The following TBC1D32 variants were observed in gnomAD, a reference collection of about 807,000 sequenced individuals.
TBC1D32 encodes protein broad-minded.
In TBC1D32, 151 loss-of-function variants were observed where a neutral mutation model predicts 170.3. The ratio of observed to expected loss-of-function variants is 0.89; its 90% confidence interval spans 0.78 to 1.01. TBC1D32 has a LOEUF of 1.01. Ranked by LOEUF, TBC1D32 falls within the 50% of genes least tolerant of loss-of-function variation. The pLI, the probability that TBC1D32 is intolerant of heterozygous loss-of-function variation, is 0.00. For synonymous variants in TBC1D32, 498 were observed against 488.0 expected (o/e 1.02, Z -0.27); for missense variants, 1,464 against 1,457.1 (o/e 1.00, Z -0.08).
chr6:121,284,538 C>T (rs1022285888), intron 12 of TBC1D32, among the ~76,000 whole-genome samples: 2 of 152,138 alleles, frequency 1.3e-5, no homozygotes, highest in African/African-American at 4.8e-5. Context: ...CCATTCTTAG[C>T]TCACAACTGT....
intron 15 of TBC1D32, among the ~76,000 whole-genome samples, chr6:121,275,012 A>G (rs561092169): frequency 6.6e-6 from 1 of 152,336 alleles, no homozygotes; most frequent in African/African-American, 2.4e-5. Flanking sequence ...ATTGTGAAAG[A>G]ATAGAAAAGT....
chr6:121,095,799 T>C (rs1234451627), intron 30 of TBC1D32: 2 of 152,224 alleles, frequency 1.3e-5, no homozygotes, highest in Middle Eastern at 3.1e-3. Context: ...TTGTGGTGGA[T>C]AAGCTTTTCG....
chr6:121,334,210 T>C, intron 1 of TBC1D32, 66 bp downstream of exon 1: 2 of 1,353,310 alleles, frequency 1.5e-6, no homozygotes, highest in South Asian at 2.6e-5. Context: ...TTAACACTGT[T>C]GACCCTTCTC....
At chr6:121,162,717 G>A (rs541847011) in intron 22 of TBC1D32, among the ~76,000 whole-genome samples, 2 of 151,980 alleles carry the variant, frequency 1.3e-5, no homozygotes, top group South Asian at 4.1e-4. Context: ...TCAACATGCA[G>A]AGCCAAGATG....
chr6:121,206,238 G>C (rs1346101432), intron 21 of TBC1D32, among the ~76,000 whole-genome samples: 2 of 151,550 alleles, frequency 1.3e-5, no homozygotes, highest in South Asian at 2.1e-4. Context: ...AAAAAGGAAG[G>C]CTTTCTTTCT....
chr6:121,276,672 C>T (rs995289867), intron 15 of TBC1D32, among the ~76,000 whole-genome samples: 1 of 152,158 alleles, frequency 6.6e-6, no homozygotes, highest in Non-Finnish European at 1.5e-5. Flanking sequence ...ACACTTTAAA[C>T]ATAAAGACGA....
intron 24 of TBC1D32, among the ~76,000 whole-genome samples, chr6:121,143,939 C>G (rs1332046498): frequency 2.0e-5 from 3 of 151,936 alleles, no homozygotes; most frequent in Admixed American, 1.3e-4. Flanking sequence ...ACACAGATAT[C>G]AGCAATATCA....
intron 22 of TBC1D32, among the ~76,000 whole-genome samples, chr6:121,175,818 G>A (rs984889589): frequency 2.6e-5 from 4 of 152,062 alleles, no homozygotes; most frequent in Admixed American, 6.5e-5. Flanking sequence ...TTTTAACATC[G>A]TTCTAGAAAT....
intron 20 of TBC1D32, among the ~76,000 whole-genome samples, chr6:121,227,188 C>T (rs1795180021): frequency 6.6e-6 from 1 of 152,126 alleles, no homozygotes; most frequent in African/African-American, 2.4e-5. Flanking sequence ...GTTCTAAAGT[C>T]TCTGCTATGA....
Position 121,276,136 on chromosome 6 carries a change from C to A in TBC1D32, c.1733+2985G>T, listed in dbSNP as rs201246362. 2.2e-3 allele frequency among the ~76,000 whole-genome samples: 299 copies of A among 132,996 alleles called. 3 individuals carry two copies. The highest frequency in any genetic ancestry group is 0.014 in the East Asian group (52 of 3,782). 87.3% of individuals were successfully genotyped at this position (132,996 alleles called of 152,430 possible). On this transcript the variant is annotated intron_variant, in intron 15 of 31. Coordinates refer to ENST00000398212, the MANE Select transcript of TBC1D32 (RefSeq NM_152730.6). ...CCTTGTCTCAAAAAAAAAAAAAAAACAAACGACAATAACAAAAAAACATCT... is the reference window on the plus strand; with the variant it reads ...CCTTGTCTCAAAAAAAAAAAAAAAAAAAACGACAATAACAAAAAAACATCT...
At chr6:121,226,236 T>G (rs1031466239) in intron 20 of TBC1D32, among the ~76,000 whole-genome samples, 1 of 152,106 alleles carries the variant, frequency 6.6e-6, no homozygotes, top group Non-Finnish European at 1.5e-5. Context: ...CATAGTATAG[T>G]GCAGGACAAA....
rs185004193 is a variant in TBC1D32, at chr6:121,139,149, C to T, written c.2774-7397G>A. Among the ~76,000 whole-genome samples, 230 of 152,132 alleles carry T rather than the reference C, an allele frequency of 1.5e-3. 1 individual carries two copies. Among genetic ancestry groups the T allele is most frequent in the African/African-American group, 5.4e-3 (223 of 41,528 alleles). On this transcript the variant is annotated intron_variant, in intron 24 of 31. Coordinates refer to ENST00000398212, the MANE Select transcript of TBC1D32 (RefSeq NM_152730.6). Reference sequence around the variant, plus strand: ...GAGTGAGCTACCGTGCCCAGCCATACCATATTATTTTTCAAAGAATTTTTA... The same window carrying T: ...GAGTGAGCTACCGTGCCCAGCCATATCATATTATTTTTCAAAGAATTTTTA...
chr6:121,270,366 T>C (rs1009692001), intron 15 of TBC1D32, among the ~76,000 whole-genome samples: 1 of 151,928 alleles, frequency 6.6e-6, no homozygotes, highest in Non-Finnish European at 1.5e-5. Flanking sequence ...GATAAACTGA[T>C]AGCCAGACTA....
At chr6:121,278,448 T>C (rs925751341) in intron 15 of TBC1D32, among the ~76,000 whole-genome samples, 6 of 152,120 alleles carry the variant, frequency 3.9e-5, no homozygotes, top group African/African-American at 1.4e-4. Flanking sequence ...CATTTGAACA[T>C]CAATTAATGT....
chr6:121,145,488 T>G (rs1428141944), intron 24 of TBC1D32, among the ~76,000 whole-genome samples: 2 of 152,134 alleles, frequency 1.3e-5, no homozygotes, highest in Non-Finnish European at 2.9e-5. Flanking sequence ...GATGGTCCAA[T>G]GATACAAAAT....
intron 21 of TBC1D32, among the ~76,000 whole-genome samples, chr6:121,211,227 T>C (rs1301161258): frequency 1.3e-5 from 2 of 152,046 alleles, no homozygotes; most frequent in African/African-American, 2.4e-5. Flanking sequence ...CCAAGATAAG[T>C]AACAGAAAAA....
intron 13 of TBC1D32, among the ~76,000 whole-genome samples, chr6:121,282,124 TG>T (rs1803105377): frequency 6.6e-6 from 1 of 151,230 alleles, no homozygotes; most frequent in Non-Finnish European, 1.5e-5. Context: ...AACAAGAAAA[TG>T]GGAAAAAGGA....
intron 17 of TBC1D32, among the ~76,000 whole-genome samples, chr6:121,249,534 C>T (rs1286297127): frequency 6.6e-6 from 1 of 151,876 alleles, no homozygotes; most frequent in East Asian, 1.9e-4. Flanking sequence ...CTGTCACTTT[C>T]TGCTGATTAT....
chr6:121,086,337 T>C (rs961036491), intron 31 of TBC1D32, among the ~76,000 whole-genome samples: 3 of 152,128 alleles, frequency 2.0e-5, no homozygotes, highest in African/African-American at 7.2e-5. Flanking sequence ...ATAAGGACAA[T>C]GCAGAAAACG....
Sources: allele counts gnomAD v4.1 joint callset (sites outside exome capture counted in the v4.1 genomes callset), GRCh38; gene constraint gnomAD v4.1.1; transcripts MANE v1.5; gene names NCBI Gene and HGNC (gene_info 2026-07-23, HGNC 2026-07-21).